ERCC8: variants seen among roughly 807,000 people sequenced by gnomAD.
ERCC8 encodes ERCC excision repair 8, CSA ubiquitin ligase complex subunit, also known as DNA excision repair protein ERCC-8.
ERCC8 carries 52 observed loss-of-function variants against 54.9 expected under a neutral mutation model. That is an observed-to-expected ratio of 0.95 (90% confidence interval 0.76 to 1.19). The LOEUF (loss-of-function observed/expected upper bound fraction) is 1.19, where lower values mean the gene tolerates loss of function less well. Ranked by LOEUF, ERCC8 falls within the 50% of genes most tolerant of loss-of-function variation. The pLI, the probability that ERCC8 is intolerant of heterozygous loss-of-function variation, is 0.00. For missense variants in ERCC8, 514 were observed against 466.1 expected, an observed-to-expected ratio of 1.10 and a Z score of -0.95; for synonymous variants, 146 against 157.2, an observed-to-expected ratio of 0.93 and a Z score of 0.53.
intron 9 of ERCC8, chr5:60,892,968 T>C: frequency 1.3e-6 from 1 of 764,768 alleles, no homozygotes; most frequent in Non-Finnish European, 2.4e-6. Context: ...CATGAGGTTT[T>C]CAGCTCCAAA....
chr5:60,938,077 ATATATATATTT>A (rs1750137153), intron 1 of ERCC8, among the ~76,000 whole-genome samples: 2 of 18,288 alleles, frequency 1.1e-4, no homozygotes, highest in Admixed American at 6.2e-4. Flanking sequence ...ATATATATAT[ATATATATATTT>A]TATTTTTTTT....
chr5:60,936,555 T>C lies in ERCC8; in HGVS notation c.78-7596A>G, dbSNP rs1750072633. ...GCTCTGATCTTGGTTATTTTTTTTC[T>C]TCTGTTGGGTTTGGGTTTGGTTTGC... On this transcript the variant is annotated intron_variant, in intron 1 of 11. Transcript: ENST00000676185. Among the ~76,000 whole-genome samples, 3 of 152,306 alleles carry C rather than the reference T, an allele frequency of 2.0e-5. No homozygotes were observed. The South Asian group carries it at 6.2e-4, about 32-fold the overall frequency.
intron 1 of ERCC8, among the ~76,000 whole-genome samples, chr5:60,939,388 GGA>G (rs977635391): frequency 2.0e-5 from 3 of 152,112 alleles, no homozygotes; most frequent in Non-Finnish European, 4.4e-5. Flanking sequence ...TTTCCTGAAG[GGA>G]AATTGGGTAA....
intron 7 of ERCC8, among the ~76,000 whole-genome samples, chr5:60,899,986 T>C (rs991709840): frequency 3.9e-5 from 6 of 152,042 alleles, no homozygotes. Flanking sequence ...GCTTTTTATA[T>C]TGTTTTAAAT....
intron 11 of ERCC8, among the ~76,000 whole-genome samples, chr5:60,886,703 AAAAAATAAAAATAAAAAT>A (rs537368621): frequency 3.5e-5 from 5 of 142,696 alleles, no homozygotes; most frequent in Non-Finnish European, 4.5e-5. Flanking sequence ...CTCCATCTCA[AAAAAATAAAAATAAAAAT>A]AAAAATAAAA....
chr5:60,891,677 T>C (rs1261758514), intron 9 of ERCC8, among the ~76,000 whole-genome samples: 1 of 148,734 alleles, frequency 6.7e-6, no homozygotes, highest in Non-Finnish European at 1.5e-5. Context: ...TTTTTTTTCC[T>C]GCTGATACTT....
intron 1 of ERCC8, among the ~76,000 whole-genome samples, chr5:60,932,797 G>A (rs1379699426): frequency 2.0e-5 from 3 of 152,058 alleles, no homozygotes; most frequent in Non-Finnish European, 4.4e-5. Flanking sequence ...CAATGGCATA[G>A]GAGTAGAGGG....
intron 9 of ERCC8, among the ~76,000 whole-genome samples, chr5:60,894,156 T>A (rs1374180195): frequency 6.6e-6 from 1 of 152,132 alleles, no homozygotes; most frequent in East Asian, 1.9e-4. Context: ...GGCTAATTTT[T>A]TGTATTTTTA....
intron 9 of ERCC8, among the ~76,000 whole-genome samples, chr5:60,895,809 G>T (rs1748707586): frequency 6.6e-6 from 1 of 152,106 alleles, no homozygotes; most frequent in Non-Finnish European, 1.5e-5. Flanking sequence ...TTGTTTCTCA[G>T]GACACCTAGT....
Position 60,914,403 on chromosome 5 carries a change from T to C in ERCC8, c.399+3862A>G, listed in dbSNP as rs193130102. ...AAGTCTGTTTTATCAGAGACCAGGA[T>C]TGCAACCCCTGCTTTTTTTTTGCTT... On this transcript the variant is annotated intron_variant, in intron 4 of 11. Coordinates refer to ENST00000676185, the MANE Select transcript of ERCC8 (RefSeq NM_000082.4). Among the ~76,000 whole-genome samples the C allele has an allele frequency of 2.5e-4, 38 of 152,250 alleles. 1 individual carries two copies. The East Asian group carries it at 6.9e-3, about 28-fold the overall frequency.
At chr5:60,934,340 T>A (rs1196986130) in intron 1 of ERCC8, among the ~76,000 whole-genome samples, 1 of 152,250 alleles carries the variant, frequency 6.6e-6, no homozygotes, top group Non-Finnish European at 1.5e-5. Context: ...TCACTAGTGA[T>A]GTTGAGCATT....
intron 9 of ERCC8, chr5:60,892,491 C>T (rs1748591649): frequency 1.7e-6 from 1 of 577,614 alleles, no homozygotes; most frequent in African/African-American, 1.9e-5. Context: ...GCTGATCTTC[C>T]CGCTCACCCA....
intron 2 of ERCC8, among the ~76,000 whole-genome samples, chr5:60,926,923 T>A (rs1221182666): frequency 6.6e-6 from 1 of 152,254 alleles, no homozygotes; most frequent in Non-Finnish European, 1.5e-5. Context: ...TTTTCTCTGA[T>A]TCCATTAACT....
At chr5:60,893,334 C>T (rs1040747424) in intron 9 of ERCC8, 23 of 855,952 alleles carry the variant, frequency 2.7e-5, no homozygotes, top group Non-Finnish European at 4.7e-5. Flanking sequence ...AGGATATCCT[C>T]ACAGTAGCTC....
chr5:60,886,685 G>C (rs1360492544), intron 11 of ERCC8, among the ~76,000 whole-genome samples: 2 of 146,566 alleles, frequency 1.4e-5, no homozygotes, highest in African/African-American at 2.7e-5. Context: ...CTGGGCGACA[G>C]ATTGAGACTC....
At chr5:60,917,646 T>C (rs1749475897) in intron 4 of ERCC8, 1 of 152,474 alleles carries the variant, frequency 6.6e-6, no homozygotes, top group South Asian at 2.1e-4. Context: ...TGAGATGTGA[T>C]CATGTTCAGT....
chr5:60,936,855 T>G (rs1230290491), intron 1 of ERCC8, among the ~76,000 whole-genome samples: 2 of 152,184 alleles, frequency 1.3e-5, no homozygotes, highest in African/African-American at 4.8e-5. Flanking sequence ...CAACCTTGTT[T>G]TATCATATTA....
chr5:60,894,418 T>TA (rs768360763), intron 9 of ERCC8, among the ~76,000 whole-genome samples: 4 of 152,194 alleles, frequency 2.6e-5, no homozygotes, highest in Non-Finnish European at 5.9e-5. Context: ...ACTTTATGAT[T>TA]TATATAAATC....
Position 60,873,654 on chromosome 5 carries a change from G to A in ERCC8, c.*961C>T, listed in dbSNP as rs1449237022. 6.6e-6 allele frequency among the ~76,000 whole-genome samples: 1 copy of A among 152,116 alleles called. No homozygotes were observed. ...ATCAAAACACTGCACTCCGGCCTGA[G>A]CGACAGAGTGAAACTCCATCTCAGG... On this transcript the variant is annotated 3_prime_UTR_variant, in exon 12 of 12. Transcript: ENST00000676185.
Sources: allele counts gnomAD v4.1 joint callset (sites outside exome capture counted in the v4.1 genomes callset), GRCh38; gene constraint gnomAD v4.1.1; transcripts MANE v1.5; gene names NCBI Gene and HGNC (gene_info 2026-07-23, HGNC 2026-07-21).